ZNF787: variants seen among roughly 807,000 people sequenced by gnomAD.
ZNF787 encodes the protein TTF-I-interacting peptide 20.
ZNF787 carries 7 observed loss-of-function variants against 16.9 expected under a neutral mutation model. The ratio of observed to expected loss-of-function variants is 0.42; its 90% CI spans 0.24 to 0.78. The LOEUF (loss-of-function observed/expected upper bound fraction) is 0.78, where lower values mean the gene tolerates loss of function less well. ZNF787 is among the 30% of genes least tolerant of loss of function. ZNF787 has a pLI of 0.30. For synonymous variants in ZNF787, 345 were observed against 270.9 expected (o/e 1.27, Z -2.69); for missense variants, 551 against 589.3 (o/e 0.94, Z 0.67).
intron 2 of ZNF787, chr19:56,102,207 G>A (rs1986125505): frequency 6.6e-6 from 1 of 152,302 alleles, no homozygotes. Context: ...TCTGCATCAA[G>A]TGTGCCCACG....
At chr19:56,109,120 C>G (rs575673961) in intron 1 of ZNF787, among the ~76,000 whole-genome samples, 7 of 152,126 alleles carry the variant, frequency 4.6e-5, no homozygotes, top group African/African-American at 1.7e-4. Flanking sequence ...GTGATCTCAA[C>G]GTTTTTCTTA....
intron 1 of ZNF787, among the ~76,000 whole-genome samples, chr19:56,111,530 C>T (rs968215993): frequency 6.6e-6 from 1 of 151,958 alleles, no homozygotes; most frequent in African/African-American, 2.4e-5. Context: ...ATGCTTTTTT[C>T]CTGCCTTTTA....
chr19:56,093,235 C>G (rs1985729354), intron 2 of ZNF787, among the ~76,000 whole-genome samples: 1 of 149,234 alleles, frequency 6.7e-6, no homozygotes, highest in African/African-American at 2.5e-5. Context: ...ATTCCATAGA[C>G]ACAGGGGATG....
Position 56,087,414 on chromosome 19 carries a change from C to G in ZNF787, c.*609G>C, listed in dbSNP as rs976863038. ...TGTTCCAGCACCCCTTCCTCCACCA[C>G]GCCCAGGCCTGGGACAAACGGGCAC... On this transcript the variant is annotated 3_prime_UTR_variant, in exon 3 of 3. Coordinates refer to ENST00000610935, the MANE Select transcript of ZNF787 (RefSeq NM_001002836.4). 1 of 152,300 alleles carries G rather than the reference C, an allele frequency of 6.6e-6. No homozygotes were observed. Among genetic ancestry groups the G allele is most frequent in the African/African-American group, 2.4e-5 (1 of 41,426 alleles). The allele number at this position is 152,300 out of a possible 1,614,324, so 9.4% of individuals were successfully genotyped here.
Position 56,088,187 on chromosome 19 carries a change from C to T in ZNF787, c.985G>A (p.Gly329Ser). 2 of 1,544,648 alleles carry T rather than the reference C, an allele frequency of 1.3e-6. No homozygotes were observed. Among genetic ancestry groups the T allele is most frequent in the South Asian group, 1.2e-5 (1 of 85,332 alleles). Residue 329 changes from glycine (G) to serine (S), a missense_variant, in exon 3 of 3, where the codon GGC (glycine) becomes AGC (serine). Gly to Ser is a moderately conservative substitution (Grantham distance 56, BLOSUM62 0). This residue lies in a region of ZNF787 where 392 missense variants were observed against 312.7 expected (regional missense o/e 1.25). Coordinates refer to ENST00000610935, the MANE Select transcript of ZNF787 (RefSeq NM_001002836.4). This position sits in a 1 kb window ranked among gnomAD's most constrained non-coding sequence, Gnocchi z 8.6. The part of the protein sequence containing the change: ...CVECGEGFVQ[G>S]AALRRHKKIH... ...TTCTTGTGTCTCCGGAGCGCGGCGC[C>T]CTGCACGAAGCCCTCCCCGCACTCC...
intron 2 of ZNF787, among the ~76,000 whole-genome samples, chr19:56,091,957 A>G (rs1329953991): frequency 5.5e-5 from 8 of 145,450 alleles, no homozygotes; most frequent in African/African-American, 1.4e-4. Flanking sequence ...CAAAGCCGAA[A>G]CCGAAACCGA....
At chr19:56,118,502 G>C (rs989134121) in intron 1 of ZNF787, among the ~76,000 whole-genome samples, 1 of 152,216 alleles carries the variant, frequency 6.6e-6, no homozygotes, top group Non-Finnish European at 1.5e-5. Context: ...AGTAGACACA[G>C]GTTCTGAAGC....
intron 1 of ZNF787, among the ~76,000 whole-genome samples, chr19:56,107,328 C>T (rs905015785): frequency 2.0e-5 from 3 of 152,144 alleles, no homozygotes; most frequent in African/African-American, 7.2e-5. Context: ...CCACTACGCT[C>T]GCCTCAGAAA....
chr19:56,091,031 G>T (rs1985553395), intron 2 of ZNF787, among the ~76,000 whole-genome samples: 1 of 152,220 alleles, frequency 6.6e-6, no homozygotes, highest in African/African-American at 2.4e-5. Flanking sequence ...AGGAAGGGGG[G>T]AGCCTTCTGG....
chr19:56,099,804 G>T (rs1986023272), intron 2 of ZNF787, among the ~76,000 whole-genome samples: 1 of 152,126 alleles, frequency 6.6e-6, no homozygotes, highest in South Asian at 2.1e-4. Flanking sequence ...GCAGGCTGGG[G>T]GCCGTGTCAG....
At chr19:56,119,986 G>A (rs908191960) in intron 1 of ZNF787, among the ~76,000 whole-genome samples, 2 of 115,928 alleles carry the variant, frequency 1.7e-5, no homozygotes, top group Non-Finnish European at 4.1e-5. Flanking sequence ...GCAAAGAGCA[G>A]ACCAAGCCAT....
chr19:56,104,402 C>T (rs1474252454), intron 1 of ZNF787, among the ~76,000 whole-genome samples: 1 of 13,930 alleles, frequency 7.2e-5, no homozygotes, highest in African/African-American at 3.5e-4. Flanking sequence ...AGGGTCCCTA[C>T]GCACGCCGCC....
At chr19:56,093,161 T>C (rs529747440) in intron 2 of ZNF787, among the ~76,000 whole-genome samples, 88 of 141,724 alleles carry the variant, frequency 6.2e-4, no homozygotes, top group African/African-American at 2.3e-3. Flanking sequence ...AACTGGGATA[T>C]TCCATAGACA....
intron 2 of ZNF787, among the ~76,000 whole-genome samples, chr19:56,089,599 T>C (rs536771260): frequency 6.6e-6 from 1 of 152,042 alleles, no homozygotes; most frequent in East Asian, 1.9e-4. Flanking sequence ...AGCGATGGTG[T>C]CACATTCGGG....
At chr19:56,114,843 C>T (rs1160689446) in intron 1 of ZNF787, among the ~76,000 whole-genome samples, 1 of 152,042 alleles carries the variant, frequency 6.6e-6, no homozygotes, top group Non-Finnish European at 1.5e-5. Context: ...GCTGCCCGGC[C>T]CCGCCGCAGA....
chr19:56,120,539 C>A (rs1279689507), intron 1 of ZNF787, among the ~76,000 whole-genome samples: 1 of 152,204 alleles, frequency 6.6e-6, no homozygotes, highest in African/African-American at 2.4e-5. Context: ...GGCCTCCTGC[C>A]GGCCAGAATC....
intron 2 of ZNF787, among the ~76,000 whole-genome samples, chr19:56,098,846 C>G (rs1333453893): frequency 6.8e-6 from 1 of 146,708 alleles, no homozygotes; most frequent in Non-Finnish European, 1.5e-5. Context: ...GATACGGCCG[C>G]AGGGTGATAT....
At chr19:56,091,917 C>A in intron 2 of ZNF787, among the ~76,000 whole-genome samples, 1 of 45,400 alleles carries the variant, frequency 2.2e-5, no homozygotes, top group African/African-American at 7.5e-5. Context: ...CAGCCGCAGC[C>A]GCAGCCGAAG....
intron 2 of ZNF787, among the ~76,000 whole-genome samples, chr19:56,095,771 C>G (rs1316533128): frequency 2.0e-5 from 3 of 152,224 alleles, no homozygotes; most frequent in African/African-American, 2.4e-5. Context: ...TCCCCACTAC[C>G]CTGGTTTGGA....
Sources: allele counts gnomAD v4.1 joint callset (sites outside exome capture counted in the v4.1 genomes callset), GRCh38; gene constraint gnomAD v4.1.1; regional missense constraint gnomAD v4.1.1; non-coding constraint Gnocchi (gnomAD v3.1); transcripts MANE v1.5; gene names NCBI Gene and HGNC (gene_info 2026-07-23, HGNC 2026-07-21).